Variants in AGAP1 observed in about 807,000 individuals in gnomAD.
The protein encoded by AGAP1 is arf-GAP with GTPase, ANK repeat and PH domain-containing protein 1.
AGAP1 carries 29 observed loss-of-function variants against 105.3 expected under a neutral mutation model. The observed-to-expected ratio is 0.28, with a 90% CI of 0.21 to 0.38. The LOEUF (loss-of-function observed/expected upper bound fraction) is 0.38, where lower values mean the gene tolerates loss of function less well. Ranked by LOEUF, AGAP1 falls within the 10% of genes least tolerant of loss-of-function variation. The probability of loss-of-function intolerance (pLI) is 1.00; values close to 1 mark genes in which losing one functional copy is unlikely to be tolerated. For synonymous variants in AGAP1, 509 were observed against 485.9 expected (o/e 1.05, Z -0.63); for missense variants, 998 against 1,165.1 (o/e 0.86, Z 2.09).
chr2:235,725,596 G>A lies in AGAP1; in HGVS notation c.310+7952G>A, dbSNP rs148170817. Reference sequence around the variant, plus strand: ...TAGATTTTTCAACCTCAATTTGACCGTTAGTTGCAACCAAGTGATTATAAA... The same window carrying A: ...TAGATTTTTCAACCTCAATTTGACCATTAGTTGCAACCAAGTGATTATAAA... On this transcript the variant is annotated intron_variant, in intron 3 of 17. Transcript: ENST00000304032. This position sits in a 1 kb window ranked among gnomAD's most constrained non-coding sequence, Gnocchi z 5.7. Among the ~76,000 whole-genome samples, 96 of 151,786 alleles carry A rather than the reference G, an allele frequency of 6.3e-4. No homozygotes were observed. Among genetic ancestry groups the A allele is most frequent in the Middle Eastern group, 7.0e-3 (2 of 286 alleles).
At position 236,017,684 on chromosome 2, in the gene AGAP1, C is replaced by G. The variant is rs372159204; in HGVS notation, c.1646-18877C>G. Among the ~76,000 whole-genome samples, 3 of 152,190 alleles carry G rather than the reference C, an allele frequency of 2.0e-5. 1 individual carries two copies. The highest frequency in any genetic ancestry group is 1.9e-4 in the East Asian group (1 of 5,190). On this transcript the variant is annotated intron_variant, in intron 13 of 17. Coordinates refer to ENST00000304032, the MANE Select transcript of AGAP1 (RefSeq NM_001037131.3). ...GCTGTTCTGGGACTTTCCTCAGGAT[C>G]CTGGTTTAGGAGAGACAGACAGAGC... is the stretch of plus-strand genomic sequence containing the variant.
Position 235,621,621 on chromosome 2 carries a change from C to T in AGAP1, c.164-87558C>T, listed in dbSNP as rs1280885793. On this transcript the variant is annotated intron_variant, in intron 1 of 17. Transcript: ENST00000304032. The surrounding 1 kb of genome is among the most constrained non-coding windows in gnomAD (Gnocchi z 4.1). ...CATGCATTTAGGGGCTCCTCTGACT[C>T]CAGATGTCAGTGACCCTTCTGGTCT... Among the ~76,000 whole-genome samples the T allele has an allele frequency of 1.3e-5, 2 of 152,202 alleles. No individual in the cohort carries two copies. The highest frequency in any genetic ancestry group is 4.8e-5 in the African/African-American group (2 of 41,446).
rs1241746235 is a variant in AGAP1, at chr2:236,050,670, G to T, written c.2114+1389G>T. 6.6e-6 allele frequency among the ~76,000 whole-genome samples: 1 copy of T among 152,198 alleles called. No homozygotes were observed. The highest frequency in any genetic ancestry group is 1.5e-5 in the Non-Finnish European group (1 of 68,034). Reference sequence around the variant, plus strand: ...GAAAATGAAAAATGATTGGAAATTAGATTGAGCTTAATATATGAATGCAGA... The same window carrying T: ...GAAAATGAAAAATGATTGGAAATTATATTGAGCTTAATATATGAATGCAGA... On this transcript the variant is annotated intron_variant, in intron 16 of 17. Coordinates refer to ENST00000304032, the MANE Select transcript of AGAP1 (RefSeq NM_001037131.3). The surrounding 1 kb of genome is among the most constrained non-coding windows in gnomAD (Gnocchi z 4.0).
At position 236,104,090 on chromosome 2, in the gene AGAP1, A is replaced by G. The variant is rs2059425669; in HGVS notation, c.2115-16102A>G. On this transcript the variant is annotated intron_variant, in intron 16 of 17. Transcript: ENST00000304032. This position sits in a 1 kb window ranked among gnomAD's most constrained non-coding sequence, Gnocchi z 4.7. ...CAATGTGAAACCTTAGGTACTTCCC[A>G]CTTGCATTTAGGTGGGGGGCCTTGG... 6.6e-6 allele frequency among the ~76,000 whole-genome samples: 1 copy of G among 152,168 alleles called. No homozygotes were observed. The highest frequency in any genetic ancestry group is 1.5e-5 in the Non-Finnish European group (1 of 68,026).
rs1295286137 is a variant in AGAP1, at chr2:236,083,594, G to C, written c.2114+34313G>C. Among the ~76,000 whole-genome samples the C allele has an allele frequency of 1.3e-5, 2 of 152,122 alleles. No homozygotes were observed. Among genetic ancestry groups the C allele is most frequent in the Admixed American group, 1.3e-4 (2 of 15,270 alleles). On this transcript the variant is annotated intron_variant, in intron 16 of 17. Transcript: ENST00000304032. This position sits in a 1 kb window ranked among gnomAD's most constrained non-coding sequence, Gnocchi z 5.3. ...CATGCTCACACCCATGCCTACATTA[G>C]AAAGAGAAGTACCCCAAATTTGGGA...
chr2:235,511,475 G>A (rs115374948), intron 1 of AGAP1, among the ~76,000 whole-genome samples: 1,933 of 152,196 alleles, frequency 0.013, 31 homozygotes, highest in African/African-American at 0.044. Context: ...CTGTGGGGAT[G>A]TGACTCTCCC....
chr2:235,511,966 G>A (rs1290979206), intron 1 of AGAP1, among the ~76,000 whole-genome samples: 2 of 148,664 alleles, frequency 1.3e-5, no homozygotes, highest in Non-Finnish European at 3.0e-5. Flanking sequence ...GTGTGTAAAG[G>A]TGATTGTGAG....
At position 235,692,072 on chromosome 2, in the gene AGAP1, CAAAAT is replaced by C. The variant is rs1168165774; in HGVS notation, c.164-17103_164-17099del. On this transcript the variant is annotated intron_variant, in intron 1 of 17. Transcript: ENST00000304032. This position sits in a 1 kb window ranked among gnomAD's most constrained non-coding sequence, Gnocchi z 5.8. ...CTCAAGAGGATGTAAACCAAGTAAACAAAATAAATTCAGACCCCAAGTGCGCATAT... is the reference window on the plus strand; with the variant it reads ...CTCAAGAGGATGTAAACCAAGTAAACAAATTCAGACCCCAAGTGCGCATAT... Among the ~76,000 whole-genome samples the C allele has an allele frequency of 6.6e-6, 1 of 152,120 alleles. No individual in the cohort carries two copies.
chr2:236,062,009 G>GGGCTGGCGT lies in AGAP1; in HGVS notation c.2114+12734_2114+12742dup, dbSNP rs2058209953. 6.6e-6 allele frequency among the ~76,000 whole-genome samples: 1 copy of GGGCTGGCGT among 152,182 alleles called. No individual in the cohort carries two copies. On this transcript the variant is annotated intron_variant, in intron 16 of 17. Coordinates refer to ENST00000304032, the MANE Select transcript of AGAP1 (RefSeq NM_001037131.3). This position sits in a 1 kb window ranked among gnomAD's most constrained non-coding sequence, Gnocchi z 4.2. ...TGGCGGGGGCCTGGGTGCGGGCCGAGGGCTGGCGTGGCTGCCCCTCCTCAG... is the reference window on the plus strand; with the variant it reads ...TGGCGGGGGCCTGGGTGCGGGCCGAGGGCTGGCGTGGCTGGCGTGGCTGCCCCTCCTCAG...
rs913141331 is a variant in AGAP1 at position 235,897,558 on chromosome 2, G to A, written c.1156-11180G>A. Among the ~76,000 whole-genome samples the A allele has an allele frequency of 4.6e-5, 7 of 152,114 alleles. No individual in the cohort carries two copies. The South Asian group carries it at 6.2e-4, about 14-fold the overall frequency. ...AGGGACATCGTCCTACCAGTATGCC[G>A]CGTGATATGTCAGATCGTCTCTGGC... On this transcript the variant is annotated intron_variant, in intron 10 of 17. Transcript: ENST00000304032.
chr2:235,863,085 G>A (rs1461530079), intron 9 of AGAP1, among the ~76,000 whole-genome samples: 3 of 152,182 alleles, frequency 2.0e-5, no homozygotes, highest in African/African-American at 7.2e-5. Flanking sequence ...AGATTTGTTA[G>A]AATCATTCAG....
At chr2:235,986,101 G>A (rs2055303710) in intron 13 of AGAP1, among the ~76,000 whole-genome samples, 1 of 152,264 alleles carries the variant, frequency 6.6e-6, no homozygotes, top group African/African-American at 2.4e-5. Context: ...CTATCCATGA[G>A]GATGGAGTTT....
intron 1 of AGAP1, among the ~76,000 whole-genome samples, chr2:235,568,216 C>T (rs1306831796): frequency 6.6e-6 from 1 of 152,176 alleles, no homozygotes; most frequent in Non-Finnish European, 1.5e-5. Context: ...GAGGTCATTC[C>T]TTACTGGGCT....
chr2:236,062,251 A>G lies in AGAP1; in HGVS notation c.2114+12970A>G, dbSNP rs1194112079. ...CTCTTGGAATCCGCACAGCAAACCA[A>G]TGCCATTCTTTCCTTTTCCTGGGCT... On this transcript the variant is annotated intron_variant, in intron 16 of 17. Coordinates refer to ENST00000304032, the MANE Select transcript of AGAP1 (RefSeq NM_001037131.3). This position sits in a 1 kb window ranked among gnomAD's most constrained non-coding sequence, Gnocchi z 4.2. Among the ~76,000 whole-genome samples the G allele has an allele frequency of 6.6e-6, 1 of 152,198 alleles. No individual in the cohort carries two copies. The highest frequency in any genetic ancestry group is 1.9e-4 in the East Asian group (1 of 5,158).
intron 13 of AGAP1, among the ~76,000 whole-genome samples, chr2:236,028,068 T>C (rs1454914759): frequency 6.6e-6 from 1 of 152,194 alleles, no homozygotes; most frequent in Non-Finnish European, 1.5e-5. Context: ...AGTCTGGGGT[T>C]GCAGTTGGTC....
chr2:236,029,538 G>A (rs147356839), intron 13 of AGAP1, among the ~76,000 whole-genome samples: 1,976 of 151,746 alleles, frequency 0.013, 38 homozygotes, highest in African/African-American at 0.046. Flanking sequence ...CACCTGCCTC[G>A]GCCTCCCAAA....
rs1377627968 is a variant in AGAP1, at chr2:235,720,230, T to G, written c.310+2586T>G. Among the ~76,000 whole-genome samples, 1 of 152,208 alleles carries G rather than the reference T, an allele frequency of 6.6e-6. No individual in the cohort carries two copies. Among genetic ancestry groups the G allele is most frequent in the African/African-American group, 2.4e-5 (1 of 41,448 alleles). ...CAGGGAGCCTGTACCTGGAAAGTGATTTCAATTTTTGTCCAGTGAGTTAGT... is the reference window on the plus strand; with the variant it reads ...CAGGGAGCCTGTACCTGGAAAGTGAGTTCAATTTTTGTCCAGTGAGTTAGT... On this transcript the variant is annotated intron_variant, in intron 3 of 17. Transcript: ENST00000304032. This position sits in a 1 kb window ranked among gnomAD's most constrained non-coding sequence, Gnocchi z 5.0.
In AGAP1 at chr2:235,525,857, G is replaced by A. The variant is rs111934855; in HGVS notation, c.163+31008G>A. The stretch of plus-strand genomic sequence containing the variant: ...CTGATTTATAAAGTAGAGGACTGAT[G>A]CATAATGTGGAGGACTGATACATAA... On this transcript the variant is annotated intron_variant, in intron 1 of 17. Transcript: ENST00000304032. Among the ~76,000 whole-genome samples the A allele has an allele frequency of 1.2e-3, 83 of 68,172 alleles. 1 individual carries two copies. The highest frequency in any genetic ancestry group is 2.6e-3 in the African/African-American group (41 of 15,986). The allele number at this position is 68,172 out of a possible 152,430, so 44.7% of individuals were successfully genotyped here.
intron 5 of AGAP1, among the ~76,000 whole-genome samples, 184 bp downstream of exon 5, chr2:235,745,023 C>A (rs532347071): frequency 6.6e-6 from 1 of 152,152 alleles, no homozygotes; most frequent in African/African-American, 2.4e-5. Flanking sequence ...TGAAACCACT[C>A]ATTTAACAAC....
Sources: gnomAD v4.1 joint callset for allele counts (sites outside exome capture counted in the v4.1 genomes callset) on GRCh38, gnomAD v4.1.1 for gene constraint, Gnocchi (gnomAD v3.1) non-coding constraint, MANE v1.5 for transcripts, NCBI Gene and HGNC (gene_info 2026-07-23, HGNC 2026-07-21) for gene names.